FBXL17: variants seen among roughly 807,000 people sequenced by gnomAD.
FBXL17 encodes the protein F-box/LRR-repeat protein 17.
Under a neutral mutation model 66.2 loss-of-function variants are expected in FBXL17, and 22 were observed. The observed-to-expected ratio is 0.33, with a 90% confidence interval of 0.24 to 0.47. The LOEUF is 0.47. FBXL17 is among the 20% of genes least tolerant of loss of function. FBXL17 has a pLI of 1.00. For synonymous variants in FBXL17, 474 were observed against 400.5 expected (o/e 1.18, Z -2.19); for missense variants, 878 against 948.2 (o/e 0.93, Z 0.97).
chr5:108,058,099 TAA>T (rs1341260000), intron 6 of FBXL17, among the ~76,000 whole-genome samples: 1 of 152,212 alleles, frequency 6.6e-6, no homozygotes. Context: ...AATGAAAGAA[TAA>T]AGTTACCTAA....
intron 6 of FBXL17, among the ~76,000 whole-genome samples, chr5:108,180,762 A>G (rs906197002): frequency 6.6e-6 from 1 of 151,984 alleles, no homozygotes; most frequent in Non-Finnish European, 1.5e-5. Flanking sequence ...ATGCTTTGTG[A>G]CTTTAGCTAC....
intron 6 of FBXL17, among the ~76,000 whole-genome samples, chr5:108,154,612 TATATACACACAC>T (rs1174038890): frequency 6.3e-5 from 6 of 95,456 alleles, no homozygotes; most frequent in African/African-American, 2.9e-4. Flanking sequence ...AAAAAATATA[TATATACACACAC>T]ACACACACAC....
chr5:108,176,296 G>C (rs551408835), intron 6 of FBXL17, among the ~76,000 whole-genome samples: 1 of 152,224 alleles, frequency 6.6e-6, no homozygotes, highest in East Asian at 1.9e-4. Flanking sequence ...AATACTGCAA[G>C]CTAAATGCGT....
chr5:108,215,873 TA>T (rs1754578421), intron 5 of FBXL17, among the ~76,000 whole-genome samples: 1 of 152,198 alleles, frequency 6.6e-6, no homozygotes, highest in African/African-American at 2.4e-5. Context: ...AGTTAATTTT[TA>T]TATATGGTCT....
At chr5:108,349,311 G>C (rs1008737867) in intron 3 of FBXL17, among the ~76,000 whole-genome samples, 4 of 152,102 alleles carry the variant, frequency 2.6e-5, no homozygotes, top group Admixed American at 2.6e-4. Flanking sequence ...ACAGAAAAGG[G>C]ACTGAAATAC....
chr5:108,316,667 A>G (rs1030875850), intron 4 of FBXL17, among the ~76,000 whole-genome samples: 7 of 151,422 alleles, frequency 4.6e-5, no homozygotes, highest in Non-Finnish European at 8.9e-5. Context: ...GATTCAATAT[A>G]GTTTTAGCCT....
At chr5:108,370,378 G>A (rs1264585945) in intron 1 of FBXL17, among the ~76,000 whole-genome samples, 2 of 152,136 alleles carry the variant, frequency 1.3e-5, no homozygotes, top group Non-Finnish European at 2.9e-5. Flanking sequence ...TAAATCTTGG[G>A]CCTCGGGAAA....
chr5:108,066,004 G>A (rs1314896729), intron 6 of FBXL17, among the ~76,000 whole-genome samples: 3 of 152,112 alleles, frequency 2.0e-5, no homozygotes, highest in African/African-American at 7.2e-5. Context: ...GGGAATAGGG[G>A]ACTATCGAAG....
chr5:108,108,780 G>GTTT lies in FBXL17; in HGVS notation c.1745+77334_1745+77336dup, dbSNP rs201883285. Among the ~76,000 whole-genome samples, 26 of 122,128 alleles carry GTTT rather than the reference G, an allele frequency of 2.1e-4. 1 individual carries two copies. Among genetic ancestry groups the GTTT allele is most frequent in the African/African-American group, 3.6e-4 (12 of 33,266 alleles). 80.1% of individuals were successfully genotyped at this position (122,128 alleles called of 152,430 possible). A position where few individuals can be genotyped will look rare whatever the true frequency, so the allele number is the denominator to read the frequency against. On this transcript the variant is annotated intron_variant, in intron 6 of 8. Coordinates refer to ENST00000542267, the MANE Select transcript of FBXL17 (RefSeq NM_001163315.3). The stretch of plus-strand genomic sequence containing the variant: ...CAGTGGGCCAAAAGACTCACACTTT[G>GTTT]TTTTTGTTTTTTTTTTTTTTGAGAC...
At chr5:108,197,952 C>T (rs1008594294) in intron 5 of FBXL17, among the ~76,000 whole-genome samples, 10 of 152,094 alleles carry the variant, frequency 6.6e-5, no homozygotes, top group Non-Finnish European at 1.3e-4. Flanking sequence ...ATCAGTTTTT[C>T]TATCCCGTGA....
At chr5:108,181,035 T>C (rs34409) in intron 6 of FBXL17, among the ~76,000 whole-genome samples, 29,587 of 152,118 alleles carry the variant, frequency 0.19, 2,946 homozygotes, top group South Asian at 0.32. Flanking sequence ...CAATTAGATT[T>C]TATTTAATTC....
Position 108,278,274 on chromosome 5 carries a change from T to C in FBXL17, c.1507-54046A>G, listed in dbSNP as rs75710741. ...GGAACTACTTCAGGGAAAGAACACA[T>C]CCTGGGTTCCACACCCTTTCTGAAA... On this transcript the variant is annotated intron_variant, in intron 4 of 8. Transcript: ENST00000542267. Among the ~76,000 whole-genome samples, 725 of 152,262 alleles carry C rather than the reference T, an allele frequency of 4.8e-3. 11 individuals carry two copies. The highest frequency in any genetic ancestry group is 0.017 in the African/African-American group (700 of 41,544).
At chr5:107,924,855 A>G (rs1304432928) in intron 7 of FBXL17, among the ~76,000 whole-genome samples, 1 of 152,256 alleles carries the variant, frequency 6.6e-6, no homozygotes, top group Non-Finnish European at 1.5e-5. Flanking sequence ...GCTCAGCTGC[A>G]GAGGCAAACT....
intron 6 of FBXL17, among the ~76,000 whole-genome samples, chr5:108,043,713 T>G (rs1377856342): frequency 6.6e-6 from 1 of 152,224 alleles, no homozygotes; most frequent in Non-Finnish European, 1.5e-5. Flanking sequence ...TGACTTTCCA[T>G]GTAAGTCTTA....
rs369586492 is a variant in FBXL17, at chr5:108,200,692, G to GAAA, written c.1615-14448_1615-14446dup. ...AAGTTCCAGTGGGAAGCTTTTTCTT[G>GAAA]AAAAAAAAAAAAAAATTGATGGCCA... On this transcript the variant is annotated intron_variant, in intron 5 of 8. Coordinates refer to ENST00000542267, the MANE Select transcript of FBXL17 (RefSeq NM_001163315.3). Among the ~76,000 whole-genome samples the GAAA allele has an allele frequency of 3.7e-3, 517 of 140,672 alleles. 2 individuals are homozygous for GAAA. Among genetic ancestry groups the GAAA allele is most frequent in the Non-Finnish European group, 3.7e-3 (239 of 64,596 alleles). 92.3% of individuals were successfully genotyped at this position (140,672 alleles called of 152,430 possible).
intron 4 of FBXL17, among the ~76,000 whole-genome samples, chr5:108,257,209 C>A (rs1303750762): frequency 6.6e-6 from 1 of 152,056 alleles, no homozygotes; most frequent in Non-Finnish European, 1.5e-5. Flanking sequence ...ACAGACAGAT[C>A]CAATAGAGAA....
intron 4 of FBXL17, among the ~76,000 whole-genome samples, chr5:108,344,561 C>T (rs188604536): frequency 1.3e-5 from 2 of 152,142 alleles, no homozygotes; most frequent in Non-Finnish European, 2.9e-5. Context: ...TGACATAGGG[C>T]ATAGCACAGA....
intron 7 of FBXL17, among the ~76,000 whole-genome samples, chr5:107,973,973 G>A (rs758310226): frequency 9.2e-5 from 14 of 151,994 alleles, no homozygotes; most frequent in East Asian, 1.9e-4. Flanking sequence ...AATTCCATCC[G>A]TTGCTTTCCT....
intron 8 of FBXL17, among the ~76,000 whole-genome samples, chr5:107,870,301 A>G (rs942300950): frequency 5.9e-5 from 9 of 152,178 alleles, no homozygotes; most frequent in Non-Finnish European, 1.3e-4. Flanking sequence ...GGGAAAAGGA[A>G]CTGTTGCTAC....
Sources: gnomAD v4.1 joint callset for allele counts (sites outside exome capture counted in the v4.1 genomes callset) on GRCh38, gnomAD v4.1.1 for gene constraint, MANE v1.5 for transcripts, NCBI Gene and HGNC (gene_info 2026-07-23, HGNC 2026-07-21) for gene names.